Variants in ENPP2 observed in about 807,000 individuals in gnomAD.
ENPP2 encodes ectonucleotide pyrophosphatase/phosphodiesterase 2.
In ENPP2, 51 loss-of-function variants were observed where a neutral mutation model predicts 120.2. The ratio of observed to expected loss-of-function variants is 0.42; its 90% CI spans 0.34 to 0.54. The LOEUF (loss-of-function observed/expected upper bound fraction) is 0.54, where lower values mean the gene tolerates loss of function less well. Among genes scored for constraint, ENPP2 ranks in the 20% least tolerant of loss-of-function variants. The pLI is 0.04. For synonymous variants in ENPP2, 365 were observed against 366.4 expected, an observed-to-expected ratio of 1.00 and a Z score of 0.04; for missense variants, 920 against 1,066.5, an observed-to-expected ratio of 0.86 and a Z score of 1.91.
intron 9 of ENPP2, among the ~76,000 whole-genome samples, chr8:119,602,530 A>G (rs556492493): frequency 6.6e-6 from 1 of 152,168 alleles, no homozygotes; most frequent in Non-Finnish European, 1.5e-5. Context: ...TTCATCCACA[A>G]TAACTTTTGT....
intron 1 of ENPP2, among the ~76,000 whole-genome samples, chr8:119,670,371 A>G (rs892977992): frequency 6.6e-6 from 1 of 152,206 alleles, no homozygotes; most frequent in Non-Finnish European, 1.5e-5. Context: ...TATAGATGAT[A>G]ATTTCCTGAA....
chr8:119,578,833 T>A (rs1812529715), intron 19 of ENPP2, among the ~76,000 whole-genome samples: 1 of 152,146 alleles, frequency 6.6e-6, no homozygotes, highest in Non-Finnish European at 1.5e-5. Context: ...ATGATGGAGA[T>A]ACAGAAAAGG....
At chr8:119,559,813 T>C (rs543533835) in intron 24 of ENPP2, among the ~76,000 whole-genome samples, 4 of 152,216 alleles carry the variant, frequency 2.6e-5, no homozygotes, top group Non-Finnish European at 5.9e-5. Flanking sequence ...CTGTCTTTTC[T>C]CCCTGACTTT....
At chr8:119,584,734 T>C (rs543449120) in intron 15 of ENPP2, among the ~76,000 whole-genome samples, 1 of 152,336 alleles carries the variant, frequency 6.6e-6, no homozygotes, top group Non-Finnish European at 1.5e-5. Context: ...CAAGACCATC[T>C]GATCTTTCCT....
At chr8:119,570,625 T>C in intron 20 of ENPP2, 80 bp downstream of exon 20, 1 of 742,866 alleles carries the variant, frequency 1.3e-6, no homozygotes, top group South Asian at 2.2e-5. Flanking sequence ...TAAGACAAAA[T>C]TCTGTTAAGC....
rs1484084687 is a variant in ENPP2 at position 119,569,429 on chromosome 8, C to T, written c.1918-59G>A. 2.6e-6 allele frequency: 4 copies of T among 1,552,598 alleles called. No homozygotes were observed. In the African/African-American group the frequency reaches 5.4e-5, roughly 21 times the overall value. On this transcript the variant is annotated intron_variant, in intron 20 of 24. Coordinates refer to ENST00000075322, the MANE Select transcript of ENPP2 (RefSeq NM_001040092.3). ...TGGCTCTGTTACGAACGGCTGAAAT[C>T]AAAACCCCTCTGGCTTCTCCTATGC...
intron 1 of ENPP2, among the ~76,000 whole-genome samples, chr8:119,662,678 T>A (rs1563780379): frequency 1.3e-5 from 2 of 152,236 alleles, no homozygotes; most frequent in Admixed American, 6.5e-5. Context: ...AACAAAACTT[T>A]GACACGTGCT....
intron 24 of ENPP2, among the ~76,000 whole-genome samples, chr8:119,560,021 A>C (rs1356217607): frequency 6.6e-6 from 1 of 152,184 alleles, no homozygotes; most frequent in Non-Finnish European, 1.5e-5. Context: ...GATTTCATTT[A>C]TCAGATATAA....
At chr8:119,636,353 A>C (rs1418177700) in intron 2 of ENPP2, among the ~76,000 whole-genome samples, 2 of 152,358 alleles carry the variant, frequency 1.3e-5, no homozygotes, top group South Asian at 4.1e-4. Context: ...AGGAGAAATC[A>C]ACCACAGTTC....
intron 1 of ENPP2, among the ~76,000 whole-genome samples, chr8:119,664,933 G>A (rs1361374129): frequency 6.6e-6 from 1 of 152,122 alleles, no homozygotes; most frequent in Non-Finnish European, 1.5e-5. Flanking sequence ...ACAATGAAAT[G>A]TATCATCTCA....
chr8:119,590,100 T>A (rs1813394706), intron 13 of ENPP2, among the ~76,000 whole-genome samples: 1 of 152,152 alleles, frequency 6.6e-6, no homozygotes, highest in Non-Finnish European at 1.5e-5. Context: ...AACCCTTACA[T>A]AGACCCTCTA....
chr8:119,593,897 T>C (rs372163085), intron 11 of ENPP2, 37 bp from the exon 12 acceptor site: 13 of 1,204,806 alleles, frequency 1.1e-5, no homozygotes, highest in Non-Finnish European at 1.6e-5. Flanking sequence ...CACAGGGTTT[T>C]CTTTCTTTCC....
At chr8:119,664,769 C>T (rs535657677) in intron 1 of ENPP2, among the ~76,000 whole-genome samples, 1 of 152,184 alleles carries the variant, frequency 6.6e-6, no homozygotes. Context: ...GGTAAAACCC[C>T]ATCTCTACTA....
chr8:119,568,362 G>A (rs1272536314), intron 21 of ENPP2, 110 bp from the exon 22 acceptor site: 1 of 682,354 alleles, frequency 1.5e-6, no homozygotes, highest in Non-Finnish European at 2.6e-6. Context: ...ACAACATGAA[G>A]TAAATGAATC....
At chr8:119,572,470 C>CTCTGGCTCTTCCTCTAAA (rs1430560906) in intron 19 of ENPP2, 5 of 517,176 alleles carry the variant, frequency 9.7e-6, no homozygotes, top group Non-Finnish European at 1.0e-5. Context: ...TCTCTACTAA[C>CTCTGGCTCTTCCTCTAAA]TCTGGCTCTT....
At chr8:119,665,847 A>G (rs533559260) in intron 1 of ENPP2, among the ~76,000 whole-genome samples, 6 of 152,278 alleles carry the variant, frequency 3.9e-5, no homozygotes, top group Admixed American at 3.3e-4. Context: ...GCCATCTTAG[A>G]AAAATATAAA....
intron 22 of ENPP2, among the ~76,000 whole-genome samples, chr8:119,566,403 A>T (rs1035151659): frequency 4.6e-5 from 7 of 152,200 alleles, no homozygotes; most frequent in Admixed American, 2.0e-4. Flanking sequence ...CATGCTTCTC[A>T]TACTGCTTCA....
chr8:119,633,611 T>C (rs915693022), intron 2 of ENPP2, among the ~76,000 whole-genome samples: 13 of 152,034 alleles, frequency 8.6e-5, no homozygotes, highest in African/African-American at 3.1e-4. Context: ...CTGGAGTATA[T>C]GGTTCGTTCT....
rs60092023 is a variant in ENPP2 at position 119,631,204 on chromosome 8, C to CTT, written c.137-4486_137-4485dup. Among the ~76,000 whole-genome samples, 35 of 61,776 alleles carry CTT rather than the reference C, an allele frequency of 5.7e-4. 1 individual carries two copies. Among genetic ancestry groups the CTT allele is most frequent in the East Asian group, 1.4e-3 (3 of 2,172 alleles). 40.5% of individuals were successfully genotyped at this position (61,776 alleles called of 152,430 possible). A position where few individuals can be genotyped will look rare whatever the true frequency, so the allele number is the denominator to read the frequency against. On this transcript the variant is annotated intron_variant, in intron 2 of 24. Transcript: ENST00000075322. The stretch of plus-strand genomic sequence containing the variant: ...CCACTGCGCCCAGCCATGCTGCTAT[C>CTT]TTTTTTTTTTTTTTTTTTTTTTTTT...
Sources: allele counts gnomAD v4.1 joint callset (sites outside exome capture counted in the v4.1 genomes callset), GRCh38; gene constraint gnomAD v4.1.1; transcripts MANE v1.5; gene names NCBI Gene and HGNC (gene_info 2026-07-23, HGNC 2026-07-21).